Variants in GRIA2 observed in about 807,000 individuals in gnomAD.
GRIA2 encodes glutamate ionotropic receptor AMPA type subunit 2, also known as glutamate receptor 2.
A neutral mutation model predicts 97.3 loss-of-function variants in GRIA2; 14 were observed. That is an observed-to-expected ratio of 0.14 (90% CI 0.10 to 0.23). The LOEUF (loss-of-function observed/expected upper bound fraction) is 0.23, where lower values mean the gene tolerates loss of function less well. GRIA2 is among the 10% of genes least tolerant of loss of function. The pLI, the probability that GRIA2 is intolerant of heterozygous loss-of-function variation, is 1.00. For missense variants in GRIA2, 558 were observed against 1,069.8 expected, an observed-to-expected ratio of 0.52 and a Z score of 6.67; for synonymous variants, 412 against 387.8, an observed-to-expected ratio of 1.06 and a Z score of -0.73.
chr4:157,248,703 G>A (rs1730877658), intron 2 of GRIA2, among the ~76,000 whole-genome samples: 1 of 127,820 alleles, frequency 7.8e-6, no homozygotes, highest in South Asian at 2.4e-4. Context: ...ATATACACAA[G>A]TATATATATA....
In GRIA2 at chr4:157,273,856, A is replaced by C. The variant is rs183981023; in HGVS notation, c.230-29696A>C. Among the ~76,000 whole-genome samples the C allele has an allele frequency of 5.3e-5, 8 of 152,208 alleles. No individual in the cohort carries two copies. The East Asian group carries it at 1.5e-3, about 29-fold the overall frequency. On this transcript the variant is annotated intron_variant, in intron 2 of 15. Coordinates refer to ENST00000264426, the MANE Select transcript of GRIA2 (RefSeq NM_001083619.3). Reference sequence around the variant, plus strand: ...CAGTTAGTGTCAGACATTAGACTACACATCCAGATATCTCAAAGAACACCA... The same window carrying C: ...CAGTTAGTGTCAGACATTAGACTACCCATCCAGATATCTCAAAGAACACCA...
intron 3 of GRIA2, among the ~76,000 whole-genome samples, chr4:157,311,761 T>G (rs1560760189): frequency 1.3e-5 from 2 of 151,984 alleles, no homozygotes; most frequent in Non-Finnish European, 2.9e-5. Flanking sequence ...TATTAAGTTA[T>G]CAGTATAAAT....
At chr4:157,251,618 G>C (rs1731026120) in intron 2 of GRIA2, among the ~76,000 whole-genome samples, 1 of 152,048 alleles carries the variant, frequency 6.6e-6, no homozygotes, top group East Asian at 1.9e-4. Flanking sequence ...AATGTTGACA[G>C]TATGAATAGA....
chr4:157,315,433 A>C (rs186680174), intron 4 of GRIA2, among the ~76,000 whole-genome samples: 124 of 151,530 alleles, frequency 8.2e-4, no homozygotes, highest in Non-Finnish European at 1.3e-3. Context: ...TTTTCAAGAC[A>C]ACAGAGATGA....
chr4:157,297,493 T>G (rs1733401888), intron 2 of GRIA2, among the ~76,000 whole-genome samples: 1 of 152,194 alleles, frequency 6.6e-6, no homozygotes, highest in Non-Finnish European at 1.5e-5. Flanking sequence ...AATACTTCCC[T>G]GTCCCACAAT....
intron 2 of GRIA2, among the ~76,000 whole-genome samples, chr4:157,262,066 G>T (rs540814139): frequency 2.6e-4 from 40 of 151,924 alleles, no homozygotes; most frequent in Non-Finnish European, 5.6e-4. Flanking sequence ...GGTCCTTTAA[G>T]AACTTGTTAA....
Position 157,363,562 on chromosome 4 carries a change from G to A in GRIA2, c.*131G>A. The A allele has an allele frequency of 1.6e-6, 2 of 1,234,514 alleles. No homozygotes were observed. Among genetic ancestry groups the A allele is most frequent in the Non-Finnish European group, 2.0e-6 (2 of 988,248 alleles). The allele number at this position is 1,234,514 out of a possible 1,614,324, so 76.5% of individuals were successfully genotyped here. On this transcript the variant is annotated 3_prime_UTR_variant, in exon 16 of 16. Transcript: ENST00000264426. ...CATGCTGTCCCTTACGTGAGTCCTG[G>A]CATGGGAATGAATGTCAGTGTGACT...
At chr4:157,232,280 C>A (rs1730054505) in intron 2 of GRIA2, among the ~76,000 whole-genome samples, 1 of 152,148 alleles carries the variant, frequency 6.6e-6, no homozygotes, top group South Asian at 2.1e-4. Flanking sequence ...AGTGAAGCAT[C>A]TCTCATCATT....
intron 2 of GRIA2, among the ~76,000 whole-genome samples, chr4:157,272,086 A>T (rs1732052900): frequency 6.6e-6 from 1 of 152,098 alleles, no homozygotes; most frequent in Admixed American, 6.6e-5. Context: ...TTTGTTTTTT[A>T]AAATAGCTTT....
chr4:157,340,745 A>G (rs1307279091), intron 11 of GRIA2, among the ~76,000 whole-genome samples: 1 of 151,974 alleles, frequency 6.6e-6, no homozygotes, highest in African/African-American at 2.4e-5. Context: ...TATGTTTTAC[A>G]TACACAAAAT....
intron 2 of GRIA2, among the ~76,000 whole-genome samples, chr4:157,255,264 T>TACAC (rs139422148): frequency 3.8e-4 from 57 of 151,310 alleles, no homozygotes; most frequent in African/African-American, 9.4e-4. Context: ...TATGGCTGAA[T>TACAC]ACACACACAC....
At position 157,298,496 on chromosome 4, in the gene GRIA2, G is replaced by GAATAA. The variant is rs1310934247; in HGVS notation, c.230-5048_230-5044dup. ...ATAAACACATAGATATGGTTCATCA[G>GAATAA]AATAAAATAAAACATTTTTTCATTA... On this transcript the variant is annotated intron_variant, in intron 2 of 15. Transcript: ENST00000264426. 2.7e-5 allele frequency among the ~76,000 whole-genome samples: 4 copies of GAATAA among 149,424 alleles called. No homozygotes were observed. The South Asian group carries it at 8.5e-4, about 32-fold the overall frequency.
intron 2 of GRIA2, among the ~76,000 whole-genome samples, chr4:157,295,950 A>G (rs888741214): frequency 5.3e-5 from 8 of 152,122 alleles, no homozygotes; most frequent in Admixed American, 3.3e-4. Context: ...ATTTTTCTCT[A>G]TATTTTCATG....
chr4:157,312,519 G>A (rs1446681324), intron 3 of GRIA2, among the ~76,000 whole-genome samples, 160 bp from the exon 4 acceptor site: 1 of 152,102 alleles, frequency 6.6e-6, no homozygotes, highest in African/African-American at 2.4e-5. Flanking sequence ...ATAAGTAGAA[G>A]GTGATAAAGA....
intron 2 of GRIA2, among the ~76,000 whole-genome samples, chr4:157,301,583 C>T: frequency 6.6e-6 from 1 of 152,164 alleles, no homozygotes; most frequent in East Asian, 1.9e-4. Context: ...ACAACAGTTA[C>T]TAAACAGTAT....
At chr4:157,222,213 G>A (rs1392114832) in intron 2 of GRIA2, among the ~76,000 whole-genome samples, 2 of 152,048 alleles carry the variant, frequency 1.3e-5, no homozygotes, top group Admixed American at 6.5e-5. Context: ...GCGCGCAGTC[G>A]GGCTGTTGGA....
intron 2 of GRIA2, among the ~76,000 whole-genome samples, chr4:157,282,193 C>T (rs1376871208): frequency 1.3e-5 from 2 of 152,056 alleles, no homozygotes; most frequent in African/African-American, 2.4e-5. Flanking sequence ...GTCCATTGTG[C>T]GGTCCCAAAG....
intron 2 of GRIA2, among the ~76,000 whole-genome samples, chr4:157,284,340 T>C (rs1732741350): frequency 6.6e-6 from 1 of 151,846 alleles, no homozygotes; most frequent in Admixed American, 6.6e-5. Context: ...GAGACTTTTG[T>C]GGACTTACAT....
At chr4:157,348,242 T>C (rs1051533837) in intron 12 of GRIA2, among the ~76,000 whole-genome samples, 2 of 152,206 alleles carry the variant, frequency 1.3e-5, no homozygotes, top group African/African-American at 4.8e-5. Flanking sequence ...GCTATTTTCA[T>C]AGGGAAATGA....
Sources: gnomAD v4.1 joint callset for allele counts (sites outside exome capture counted in the v4.1 genomes callset) on GRCh38, gnomAD v4.1.1 for gene constraint, MANE v1.5 for transcripts, NCBI Gene and HGNC (gene_info 2026-07-23, HGNC 2026-07-21) for gene names.